The following BLK variants were observed in gnomAD, a reference collection of about 807,000 sequenced individuals.
BLK encodes BLK proto-oncogene, Src family tyrosine kinase.
BLK carries 64 observed loss-of-function variants against 61.8 expected under a neutral mutation model. That is an observed-to-expected ratio of 1.03 (90% CI 0.85 to 1.27). BLK has a LOEUF of 1.27. BLK is among the 50% of genes most tolerant of loss of function. BLK has a pLI of 0.00. For synonymous variants in BLK, 351 were observed against 272.0 expected (o/e 1.29, Z -2.86); for missense variants, 853 against 660.5 (o/e 1.29, Z -3.19).
intron 10 of BLK, chr8:11,561,015 C>T (rs1232293479): frequency 4.9e-6 from 3 of 610,582 alleles, no homozygotes; most frequent in Non-Finnish European, 9.2e-6. Flanking sequence ...GTTCTTCTAT[C>T]TTCCATCTCT....
chr8:11,553,365 A>G (rs1322679226), intron 6 of BLK: 1 of 450,542 alleles, frequency 2.2e-6, no homozygotes, highest in South Asian at 1.6e-5. Flanking sequence ...CAGTCCAGAC[A>G]TACCACAGAG....
intron 1 of BLK, among the ~76,000 whole-genome samples, chr8:11,534,551 C>T (rs984006455): frequency 1.7e-4 from 26 of 152,156 alleles, no homozygotes; most frequent in African/African-American, 6.0e-4. Context: ...TATAAAAATG[C>T]CTTCTTCCTT....
At position 11,543,324 on chromosome 8, in the gene BLK, G is replaced by A. The variant is rs767040828; in HGVS notation, c.100G>A (p.Asp34Asn). The change falls in exon 2 of 13, where the codon GAC becomes AAC. Residue 34 changes from aspartate (D) to asparagine (N), a missense_variant. Physicochemically the swap from Asp to Asn is conservative, Grantham distance 23. Coordinates refer to ENST00000259089, the MANE Select transcript of BLK (RefSeq NM_001715.3). ...CCTGAAGGTCAGCGCCCAAGACAAG[G>A]ACGCCCCGCCACTGCCGCCCCTGGT... ...SPLKVSAQDK[D>N]APPLPPLVVF... 1.2e-6 allele frequency: 2 copies of A among 1,612,172 alleles called. No homozygotes were observed. Among genetic ancestry groups the A allele is most frequent in the Admixed American group, 1.7e-5 (1 of 60,006 alleles).
At chr8:11,563,644 C>T (rs1281616626) in intron 12 of BLK, among the ~76,000 whole-genome samples, 1 of 152,208 alleles carries the variant, frequency 6.6e-6, no homozygotes, top group Non-Finnish European at 1.5e-5. Context: ...AGGGAGGGTC[C>T]CATCTTCAGA....
intron 1 of BLK, among the ~76,000 whole-genome samples, chr8:11,514,153 C>T (rs1799133081): frequency 6.6e-6 from 1 of 152,160 alleles, no homozygotes; most frequent in Non-Finnish European, 1.5e-5. Flanking sequence ...TTCAAGTGAA[C>T]AGGGTCTGGG....
At chr8:11,543,096 T>C in intron 1 of BLK, 128 bp from the exon 2 acceptor site, 1 of 1,450,252 alleles carries the variant, frequency 6.9e-7, no homozygotes, top group Non-Finnish European at 9.5e-7. Context: ...GACTTTGAGG[T>C]CTTTGCTGCA....
chr8:11,548,239 C>A (rs944121506), intron 4 of BLK, 114 bp downstream of exon 4: 5 of 888,158 alleles, frequency 5.6e-6, no homozygotes, highest in Admixed American at 2.0e-5. Context: ...CTCCATCGCC[C>A]TGCCCCCAGC....
At chr8:11,533,658 G>T (rs1490652431) in intron 1 of BLK, among the ~76,000 whole-genome samples, 3 of 150,248 alleles carry the variant, frequency 2.0e-5, no homozygotes, top group African/African-American at 7.4e-5. Flanking sequence ...GGAGACGGAG[G>T]GGGAGAGGGA....
intron 1 of BLK, among the ~76,000 whole-genome samples, chr8:11,501,081 C>A (rs938414922): frequency 2.6e-5 from 4 of 151,976 alleles, no homozygotes; most frequent in African/African-American, 9.7e-5. Flanking sequence ...TGGTGGCAGG[C>A]ACCTGTAATC....
intron 2 of BLK, among the ~76,000 whole-genome samples, chr8:11,545,554 A>G (rs1405666733): frequency 1.3e-5 from 2 of 152,196 alleles, no homozygotes; most frequent in Non-Finnish European, 1.5e-5. Flanking sequence ...ATCTCAAAAA[A>G]AAATTGTTTA....
At position 11,564,087 on chromosome 8, in the gene BLK, G is replaced by T; in HGVS notation, c.1497G>T (p.Arg499=). The part of the protein sequence containing the change: ...VLEDFYTATE[R]QYELQP The stretch of plus-strand genomic sequence containing the variant: ...AGGACTTCTACACGGCCACCGAGCG[G>T]CAGTACGAGCTGCAGCCCTAGCCGG... The change falls in exon 13 of 13, where the codon CGG becomes CGT. Residue 499 remains arginine (R), a synonymous_variant. Transcript: ENST00000259089. 1.3e-6 allele frequency: 2 copies of T among 1,584,828 alleles called. No homozygotes were observed. The highest frequency in any genetic ancestry group is 1.7e-6 in the Non-Finnish European group (2 of 1,170,650).
chr8:11,527,937 G>T (rs1270458812), intron 1 of BLK, among the ~76,000 whole-genome samples: 1 of 152,060 alleles, frequency 6.6e-6, no homozygotes, highest in Admixed American at 6.6e-5. Context: ...CAGAATTCAG[G>T]TCCCCCCATA....
intron 1 of BLK, among the ~76,000 whole-genome samples, chr8:11,535,313 AAAGAAAGAAAG>A (rs1386953555): frequency 7.4e-6 from 1 of 135,534 alleles, no homozygotes. Flanking sequence ...AGAAAGAAAG[AAAGAAAGAAAG>A]AGAAGGAAAA....
At chr8:11,555,755 G>A in intron 8 of BLK, 1 of 537,786 alleles carries the variant, frequency 1.9e-6, no homozygotes, top group Non-Finnish European at 3.4e-6. Flanking sequence ...TTCTCTGCCT[G>A]AAGCTGGCTT....
chr8:11,542,420 T>C (rs1244723613), intron 1 of BLK, among the ~76,000 whole-genome samples: 1 of 152,200 alleles, frequency 6.6e-6, no homozygotes, highest in Non-Finnish European at 1.5e-5. Context: ...AAGAGCCCGA[T>C]GTAAGTGCAG....
chr8:11,526,299 A>G (rs1043225920), intron 1 of BLK, among the ~76,000 whole-genome samples: 1 of 152,218 alleles, frequency 6.6e-6, no homozygotes, highest in African/African-American at 2.4e-5. Context: ...ATATATTTAA[A>G]TGTTTACGTC....
In BLK at chr8:11,564,057, G is replaced by T. The variant is rs1304181333; in HGVS notation, c.1467G>T (p.Val489=). Residue 489 remains valine, a synonymous_variant, in exon 13 of 13, where the codon GTG becomes GTT. Coordinates refer to ENST00000259089, the MANE Select transcript of BLK (RefSeq NM_001715.3). ...ERPTFEFLQS[V]LEDFYTATER... ...CCACCTTCGAGTTCCTGCAGTCGGT[G>T]CTGGAGGACTTCTACACGGCCACCG... is the stretch of plus-strand genomic sequence containing the variant. 6.2e-7 allele frequency: 1 copy of T among 1,601,296 alleles called. No homozygotes were observed. Among genetic ancestry groups the T allele is most frequent in the East Asian group, 2.2e-5 (1 of 44,656 alleles).
At position 11,542,154 on chromosome 8, in the gene BLK, C is replaced by T. The variant is rs537632605; in HGVS notation, c.-1-1070C>T. Among the ~76,000 whole-genome samples the T allele has an allele frequency of 1.2e-4, 19 of 152,182 alleles. 1 individual carries two copies. Among genetic ancestry groups the T allele is most frequent in the South Asian group, 8.3e-4 (4 of 4,816 alleles). ...TGACTGTGTTTCACTTAATCGAAGA[C>T]GCCACTGATAGGAAGGCTAGCATTT... On this transcript the variant is annotated intron_variant, in intron 1 of 12. Coordinates refer to ENST00000259089, the MANE Select transcript of BLK (RefSeq NM_001715.3).
chr8:11,503,689 C>G (rs1398602593), intron 1 of BLK, among the ~76,000 whole-genome samples: 1 of 152,178 alleles, frequency 6.6e-6, no homozygotes, highest in African/African-American at 2.4e-5. Context: ...CAAGGAGACA[C>G]CTGCTCTCTT....
Sources: gnomAD v4.1 joint callset for allele counts (sites outside exome capture counted in the v4.1 genomes callset) on GRCh38, gnomAD v4.1.1 for gene constraint, MANE v1.5 for transcripts, NCBI Gene and HGNC (gene_info 2026-07-23, HGNC 2026-07-21) for gene names.